RERE: variants seen among roughly 807,000 people sequenced by gnomAD.
RERE encodes arginine-glutamic acid dipeptide repeats, also known as arginine-glutamic acid dipeptide repeats protein.
RERE carries 40 observed loss-of-function variants against 146.1 expected under a neutral mutation model. The observed-to-expected ratio is 0.27, with a 90% CI of 0.21 to 0.36. The LOEUF (loss-of-function observed/expected upper bound fraction) is 0.36. Ranked by LOEUF, RERE falls within the 10% of genes least tolerant of loss-of-function variation. The probability of loss-of-function intolerance (pLI) is 1.00; values close to 1 mark genes in which losing one functional copy is unlikely to be tolerated. For synonymous variants in RERE, 1,003 were observed against 866.0 expected (o/e 1.16, Z -2.78); for missense variants, 1,933 against 2,138.7 (o/e 0.90, Z 1.90).
rs554385011 is a variant in RERE at position 8,667,680 on chromosome 1, A to C, written c.-144-11239T>G. 5.3e-5 allele frequency among the ~76,000 whole-genome samples: 8 copies of C among 152,284 alleles called. No homozygotes were observed. In the East Asian group the frequency reaches 7.7e-4, roughly 15 times the overall value. ...CAACAGAGCAAGACTCCGTCTCAAAAAACAACAACAACAACAACAAAACCC... is the reference window on the plus strand; with the variant it reads ...CAACAGAGCAAGACTCCGTCTCAAACAACAACAACAACAACAACAAAACCC... On this transcript the variant is annotated intron_variant, in intron 1 of 22. Transcript: ENST00000400908.
chr1:8,797,214 A>G (rs1641492964), intron 1 of RERE, among the ~76,000 whole-genome samples: 1 of 152,166 alleles, frequency 6.6e-6, no homozygotes, highest in Non-Finnish European at 1.5e-5. Flanking sequence ...GAAAAAAATT[A>G]AAAGTTGTTT....
chr1:8,487,695 G>T (rs1644920427), intron 10 of RERE, among the ~76,000 whole-genome samples: 1 of 151,936 alleles, frequency 6.6e-6, no homozygotes, highest in Non-Finnish European at 1.5e-5. Context: ...GAGGTTCAAG[G>T]AAGTGCAATA....
At chr1:8,586,370 T>G (rs1038394593) in intron 4 of RERE, among the ~76,000 whole-genome samples, 1 of 152,242 alleles carries the variant, frequency 6.6e-6, no homozygotes, top group African/African-American at 2.4e-5. Flanking sequence ...CGAAGATGGC[T>G]GGCCACGTCC....
chr1:8,808,549 G>A (rs1051846980), intron 1 of RERE, among the ~76,000 whole-genome samples: 6 of 152,088 alleles, frequency 3.9e-5, no homozygotes, highest in African/African-American at 1.2e-4. Flanking sequence ...ACAAACCCAC[G>A]AGTATTATTA....
intron 1 of RERE, among the ~76,000 whole-genome samples, chr1:8,686,620 G>A (rs1454373957): frequency 1.3e-5 from 2 of 152,070 alleles, no homozygotes; most frequent in Admixed American, 1.3e-4. Context: ...TGTGGTGGTG[G>A]GTGCCTGTAA....
At chr1:8,758,974 TG>T (rs1284093713) in intron 1 of RERE, among the ~76,000 whole-genome samples, 1 of 152,112 alleles carries the variant, frequency 6.6e-6, no homozygotes, top group Non-Finnish European at 1.5e-5. Flanking sequence ...ATTTAAAAAA[TG>T]GGATTATTCT....
chr1:8,634,774 C>T (rs953562677), intron 2 of RERE, among the ~76,000 whole-genome samples: 4 of 152,128 alleles, frequency 2.6e-5, no homozygotes, highest in African/African-American at 7.2e-5. Flanking sequence ...CTTGCTCTGT[C>T]ACCCAGGCTG....
intron 2 of RERE, among the ~76,000 whole-genome samples, chr1:8,627,710 T>C (rs564765172): frequency 6.6e-6 from 1 of 152,204 alleles, no homozygotes; most frequent in South Asian, 2.1e-4. Flanking sequence ...AAATAATCCA[T>C]AGGATCATTA....
intron 7 of RERE, among the ~76,000 whole-genome samples, chr1:8,531,627 T>C (rs1457614890): frequency 1.3e-5 from 2 of 152,244 alleles, no homozygotes; most frequent in Non-Finnish European, 2.9e-5. Context: ...CCTGCTATTG[T>C]TTCTGGTTTC....
At chr1:8,490,820 C>T (rs567742299) in intron 10 of RERE, among the ~76,000 whole-genome samples, 1 of 150,404 alleles carries the variant, frequency 6.6e-6, no homozygotes. Context: ...TTATAAGAGG[C>T]CATGAGGCAA....
Position 8,355,016 on chromosome 1 carries a change from T to A in RERE, c.*71A>T. 1 of 1,310,468 alleles carries A rather than the reference T, an allele frequency of 7.6e-7. No homozygotes were observed. The highest frequency in any genetic ancestry group is 1.2e-5 in the South Asian group (1 of 80,492). 81.2% of individuals were successfully genotyped at this position (1,310,468 alleles called of 1,614,324 possible). A position where few individuals can be genotyped will look rare whatever the true frequency, so the allele number is the denominator to read the frequency against. ...TTCTTTTTGCTTTTGCAGCTCCTAT[T>A]TTATGTAAAAAGTCCTGTTTCTCCC... On this transcript the variant is annotated 3_prime_UTR_variant, in exon 23 of 23. Coordinates refer to ENST00000400908, the MANE Select transcript of RERE (RefSeq NM_001042681.2).
chr1:8,525,985 C>T (rs939480042), intron 7 of RERE: 59 of 1,333,024 alleles, frequency 4.4e-5, no homozygotes, highest in Non-Finnish European at 5.6e-5. Context: ...CAGGACTGAG[C>T]ATGTGCTGTG....
chr1:8,662,984 T>TTATGTAAATATTATTTA lies in RERE; in HGVS notation c.-144-6544_-144-6543insTAAATAATATTTACATA, dbSNP rs1332417658. The stretch of plus-strand genomic sequence containing the variant: ...CAAAGTGCTTTACAAATGTAAAATA[T>TTATGTAAATATTATTTA]CAATAATATGTATTTATTTCAGTCA... On this transcript the variant is annotated intron_variant, in intron 1 of 22. Transcript: ENST00000400908. 3.9e-5 allele frequency among the ~76,000 whole-genome samples: 6 copies of TTATGTAAATATTATTTA among 152,200 alleles called. No homozygotes were observed. In the East Asian group the frequency reaches 1.2e-3, roughly 29 times the overall value.
chr1:8,431,856 G>A (rs1644100012), intron 11 of RERE, among the ~76,000 whole-genome samples: 1 of 152,110 alleles, frequency 6.6e-6, no homozygotes, highest in Non-Finnish European at 1.5e-5. Context: ...CCCTATTTCT[G>A]TCAGCTGCAG....
intron 10 of RERE, among the ~76,000 whole-genome samples, chr1:8,468,991 G>C (rs574812541): frequency 6.6e-6 from 1 of 152,024 alleles, no homozygotes; most frequent in Non-Finnish European, 1.5e-5. Flanking sequence ...TCCAACTCTA[G>C]CTCTACTATT....
At chr1:8,750,448 G>C (rs1210010893) in intron 1 of RERE, 2 of 893,820 alleles carry the variant, frequency 2.2e-6, no homozygotes, top group Admixed American at 3.4e-5. Context: ...GTGTTGAAGA[G>C]AAGAAGGTGG....
chr1:8,537,863 G>GA (rs959170316), intron 7 of RERE, among the ~76,000 whole-genome samples: 6 of 151,862 alleles, frequency 4.0e-5, no homozygotes, highest in Non-Finnish European at 7.4e-5. Context: ...CCAGGTTAGA[G>GA]AAAAAAATAA....
At position 8,724,164 on chromosome 1, in the gene RERE, T is replaced by C. The variant is rs756305900; in HGVS notation, c.-144-67723A>G. Among the ~76,000 whole-genome samples, 19 of 152,350 alleles carry C rather than the reference T, an allele frequency of 1.2e-4. 1 individual carries two copies. Among genetic ancestry groups the C allele is most frequent in the Middle Eastern group, 3.4e-3 (1 of 294 alleles). On this transcript the variant is annotated intron_variant, in intron 1 of 22. Coordinates refer to ENST00000400908, the MANE Select transcript of RERE (RefSeq NM_001042681.2). ...CATGTAACATATTAAGAAATACATT[T>C]ATTTTATTTTTGGTAGTAACAAAAC... is the stretch of plus-strand genomic sequence containing the variant.
chr1:8,584,150 G>A (rs1283735846), intron 4 of RERE, among the ~76,000 whole-genome samples: 1 of 152,076 alleles, frequency 6.6e-6, no homozygotes, highest in Non-Finnish European at 1.5e-5. Flanking sequence ...ATATAAAAGT[G>A]AGTGAACACA....
Sources: gnomAD v4.1 joint callset for allele counts (sites outside exome capture counted in the v4.1 genomes callset) on GRCh38, gnomAD v4.1.1 for gene constraint, MANE v1.5 for transcripts, NCBI Gene and HGNC (gene_info 2026-07-23, HGNC 2026-07-21) for gene names.